ZSCAN5A: variants seen among roughly 807,000 people sequenced by gnomAD.
ZSCAN5A encodes the protein zinc finger and SCAN domain containing 5A.
Under a neutral mutation model 23.7 loss-of-function variants are expected in ZSCAN5A, and 12 were observed. That is an observed-to-expected ratio of 0.51 (90% CI 0.32 to 0.82). The LOEUF is 0.82. Among genes scored for constraint, ZSCAN5A ranks in the 40% least tolerant of loss-of-function variants. The pLI is 0.03. For synonymous variants in ZSCAN5A, 257 were observed against 239.9 expected (o/e 1.07, Z -0.66); for missense variants, 597 against 617.9 (o/e 0.97, Z 0.36).
At chr19:56,297,620 T>C (rs2039967426) in intron 2 of ZSCAN5A, 1 of 801,402 alleles carries the variant, frequency 1.2e-6, no homozygotes, top group Admixed American at 6.3e-5. Flanking sequence ...AGAGAAGATT[T>C]CAGGTAATCA....
intron 2 of ZSCAN5A, among the ~76,000 whole-genome samples, chr19:56,250,711 C>T (rs997607170): frequency 5.3e-5 from 8 of 152,130 alleles, no homozygotes; most frequent in African/African-American, 1.4e-4. Flanking sequence ...TTTATTTCTC[C>T]CACATCCGCT....
chr19:56,258,167 G>C lies in ZSCAN5A; in HGVS notation c.-127-32994C>G, dbSNP rs150821896. Among the ~76,000 whole-genome samples, 339 of 152,318 alleles carry C rather than the reference G, an allele frequency of 2.2e-3. 3 individuals are homozygous for C. The highest frequency in any genetic ancestry group is 7.8e-3 in the African/African-American group (323 of 41,546). On this transcript the variant is annotated intron_variant, in intron 2 of 5. Coordinates refer to ENST00000683990, the MANE Select transcript of ZSCAN5A (RefSeq NM_001322064.3). ...CTGCAAGCCTTTCGCAGGTTCCCAG[G>C]ACTCAGCTCCCACCCGCCTCTTGGT...
intron 2 of ZSCAN5A, chr19:56,246,430 C>T (rs2035901431): frequency 1.8e-6 from 1 of 567,238 alleles, no homozygotes; most frequent in Non-Finnish European, 3.2e-6. Context: ...AAACACGGGA[C>T]TTACATCCCC....
chr19:56,343,378 G>A, intron 2 of ZSCAN5A: 3 of 552,282 alleles, frequency 5.4e-6, no homozygotes, highest in South Asian at 4.4e-5. Flanking sequence ...AGCATTTTCT[G>A]AGAATATAAG....
chr19:56,279,343 T>G (rs2038505438), intron 2 of ZSCAN5A, among the ~76,000 whole-genome samples: 1 of 152,146 alleles, frequency 6.6e-6, no homozygotes, highest in Admixed American at 6.5e-5. Flanking sequence ...GGACTGTACT[T>G]TACTCAATCT....
At chr19:56,247,556 A>G (rs980137261) in intron 2 of ZSCAN5A, 1 of 156,842 alleles carries the variant, frequency 6.4e-6, no homozygotes, top group East Asian at 1.9e-4. Flanking sequence ...GGCGCCTGGC[A>G]CACAGAGGGA....
In ZSCAN5A at chr19:56,296,863, G is replaced by A. The variant is rs188331075; in HGVS notation, c.-128+16420C>T. On this transcript the variant is annotated intron_variant, in intron 2 of 5. Coordinates refer to ENST00000683990, the MANE Select transcript of ZSCAN5A (RefSeq NM_001322064.3). ...AGCCTGGCCAACATGGTGAAACTCCGTCTCTACTAAAATACAAACAATTAT... is the reference window on the plus strand; with the variant it reads ...AGCCTGGCCAACATGGTGAAACTCCATCTCTACTAAAATACAAACAATTAT... Among the ~76,000 whole-genome samples, 411 of 152,176 alleles carry A rather than the reference G, an allele frequency of 2.7e-3. 3 individuals are homozygous for A. Among genetic ancestry groups the A allele is most frequent in the African/African-American group, 9.1e-3 (379 of 41,536 alleles).
At chr19:56,233,806 G>A (rs577388755) in intron 2 of ZSCAN5A, among the ~76,000 whole-genome samples, 1 of 152,092 alleles carries the variant, frequency 6.6e-6, no homozygotes, top group African/African-American at 2.4e-5. Context: ...CAGTTCAGAT[G>A]TGCAGTGTTT....
intron 2 of ZSCAN5A, among the ~76,000 whole-genome samples, chr19:56,231,996 C>CTTTTCTTT (rs1555793341): frequency 8.0e-6 from 1 of 124,986 alleles, no homozygotes; most frequent in African/African-American, 3.0e-5. Context: ...TTTTTCTTTT[C>CTTTTCTTT]TTTTTTTTTG....
At chr19:56,305,767 A>G (rs2040647556) in intron 2 of ZSCAN5A, among the ~76,000 whole-genome samples, 1 of 152,174 alleles carries the variant, frequency 6.6e-6, no homozygotes, top group Non-Finnish European at 1.5e-5. Context: ...AAAGAGAACT[A>G]AAGAACCTTG....
chr19:56,267,120 C>T (rs1400123328), intron 2 of ZSCAN5A, among the ~76,000 whole-genome samples: 3 of 152,146 alleles, frequency 2.0e-5, no homozygotes, highest in Non-Finnish European at 4.4e-5. Context: ...TCAGTGAGGT[C>T]TCTCCTGACA....
intron 2 of ZSCAN5A, among the ~76,000 whole-genome samples, chr19:56,239,955 A>G (rs10410617): frequency 6.6e-6 from 1 of 151,688 alleles, no homozygotes; most frequent in East Asian, 1.9e-4. Flanking sequence ...CTAGGTCAGG[A>G]GTTCAAGACC....
At chr19:56,297,165 A>G (rs890708672) in intron 2 of ZSCAN5A, among the ~76,000 whole-genome samples, 5 of 152,102 alleles carry the variant, frequency 3.3e-5, no homozygotes, top group African/African-American at 1.2e-4. Flanking sequence ...ACTGGGGGAA[A>G]GGCATTCCAG....
intron 2 of ZSCAN5A, among the ~76,000 whole-genome samples, chr19:56,354,975 T>A (rs369599346): frequency 1.3e-5 from 2 of 152,270 alleles, no homozygotes; most frequent in East Asian, 3.9e-4. Flanking sequence ...CCTGGCTACA[T>A]CCCCAAAACT....
chr19:56,250,085 T>C (rs67062973), intron 2 of ZSCAN5A, among the ~76,000 whole-genome samples: 44,900 of 152,020 alleles, frequency 0.3, 6,707 homozygotes, highest in Middle Eastern at 0.4. Flanking sequence ...AGATGCAGCA[T>C]AGAGTAATTC....
chr19:56,348,453 G>A (rs1295864419), intron 2 of ZSCAN5A, among the ~76,000 whole-genome samples: 1 of 152,074 alleles, frequency 6.6e-6, no homozygotes, highest in African/African-American at 2.4e-5. Flanking sequence ...GCAGAATCAC[G>A]GTCCTCTAGG....
upstream of ZSCAN5A, chr19:56,319,756 G>A (rs2041355541): frequency 3.8e-5 from 28 of 743,830 alleles, 1 homozygote; most frequent in South Asian, 3.6e-4. Context: ...ATCTGCTCGG[G>A]CCAGTCGCAT....
At chr19:56,243,199 G>T (rs1477242124) in intron 2 of ZSCAN5A, among the ~76,000 whole-genome samples, 1 of 136,586 alleles carries the variant, frequency 7.3e-6, no homozygotes, top group African/African-American at 2.7e-5. Flanking sequence ...GTAGATCAGT[G>T]ATTGGCAGGG....
intron 2 of ZSCAN5A, among the ~76,000 whole-genome samples, chr19:56,228,742 T>C (rs1039832248): frequency 9.2e-5 from 14 of 152,182 alleles, no homozygotes; most frequent in Admixed American, 2.6e-4. Flanking sequence ...ATAATGAATA[T>C]TGGTGATAAT....
Sources: allele counts gnomAD v4.1 joint callset (sites outside exome capture counted in the v4.1 genomes callset), GRCh38; gene constraint gnomAD v4.1.1; transcripts MANE v1.5; gene names NCBI Gene and HGNC (gene_info 2026-07-23, HGNC 2026-07-21).